TMC1: variants seen among roughly 807,000 people sequenced by gnomAD.
TMC1 encodes transmembrane channel like 1.
In TMC1, 84 loss-of-function variants were observed where a neutral mutation model predicts 105.8. The observed-to-expected ratio is 0.79, with a 90% CI of 0.67 to 0.95. The LOEUF is 0.95. Ranked by LOEUF, TMC1 falls within the 40% of genes least tolerant of loss-of-function variation. The pLI, the probability that TMC1 is intolerant of heterozygous loss-of-function variation, is 0.00. For missense variants in TMC1, 817 were observed against 914.1 expected (o/e 0.89, Z 1.37); for synonymous variants, 315 against 311.5 (o/e 1.01, Z -0.12).
chr9:72,615,867 C>T (rs1463878391), intron 2 of TMC1, among the ~76,000 whole-genome samples: 2 of 151,720 alleles, frequency 1.3e-5, no homozygotes, highest in Non-Finnish European at 2.9e-5. Context: ...AATTCTTGTG[C>T]CTTAGCCTCC....
At chr9:72,590,308 G>A (rs1239182650) in intron 2 of TMC1, among the ~76,000 whole-genome samples, 1 of 152,142 alleles carries the variant, frequency 6.6e-6, no homozygotes, top group Non-Finnish European at 1.5e-5. Flanking sequence ...CAATTTCAAT[G>A]GAAAGGAAAT....
At chr9:72,738,941 G>C (rs1827343901) in intron 8 of TMC1, among the ~76,000 whole-genome samples, 1 of 152,020 alleles carries the variant, frequency 6.6e-6, no homozygotes, top group Non-Finnish European at 1.5e-5. Flanking sequence ...GAGAGCTGAA[G>C]ACAAGCCTGG....
At chr9:72,682,498 A>G (rs1826304729) in intron 5 of TMC1, among the ~76,000 whole-genome samples, 1 of 152,218 alleles carries the variant, frequency 6.6e-6, no homozygotes, top group Admixed American at 6.5e-5. Context: ...CTATCATTTG[A>G]AGGACTTGGG....
rs375785074 is a variant in TMC1, at chr9:72,791,878, C to G, written c.1225-8C>G. On this transcript the variant is annotated splice_region_variant and splice_polypyrimidine_tract_variant and intron_variant, in intron 15 of 23. Coordinates refer to ENST00000297784, the MANE Select transcript of TMC1 (RefSeq NM_138691.3). ...TTAACCTAGTTTCTCCCTTGTGCCTCCTTGTAGATGAACATGGTTATGTCC... is the reference window on the plus strand; with the variant it reads ...TTAACCTAGTTTCTCCCTTGTGCCTGCTTGTAGATGAACATGGTTATGTCC... 1 of 1,611,264 alleles carries G rather than the reference C, an allele frequency of 6.2e-7. No homozygotes were observed. Among genetic ancestry groups the G allele is most frequent in the African/African-American group, 1.3e-5 (1 of 74,880 alleles).
intron 2 of TMC1, among the ~76,000 whole-genome samples, chr9:72,590,635 T>C (rs1824623550): frequency 6.6e-6 from 1 of 152,224 alleles, no homozygotes; most frequent in Non-Finnish European, 1.5e-5. Flanking sequence ...GGGTGCCTCC[T>C]GTGTGTCAAA....
intron 8 of TMC1, among the ~76,000 whole-genome samples, chr9:72,704,757 A>T (rs1826706083): frequency 6.6e-6 from 1 of 152,206 alleles, no homozygotes; most frequent in African/African-American, 2.4e-5. Flanking sequence ...ACTGAATGAT[A>T]ATCTCTTGGT....
At chr9:72,649,762 TTA>T (rs1331818509) in intron 5 of TMC1, among the ~76,000 whole-genome samples, 2 of 152,180 alleles carry the variant, frequency 1.3e-5, no homozygotes, top group Non-Finnish European at 2.9e-5. Context: ...GATTCAAATC[TTA>T]TGGAAGATGG....
chr9:72,697,084 C>G (rs1826562676), intron 7 of TMC1, among the ~76,000 whole-genome samples: 1 of 152,104 alleles, frequency 6.6e-6, no homozygotes, highest in Non-Finnish European at 1.5e-5. Context: ...ACAACAGAGA[C>G]TTAAAAGATA....
At position 72,673,238 on chromosome 9, in the gene TMC1, C is replaced by T. The variant is rs573951900; in HGVS notation, c.17-15471C>T. ...GAGGAAAATTTATAATAGTATAGAC[C>T]TATATTAGAAAAGAAGATCTCAAGC... On this transcript the variant is annotated intron_variant, in intron 5 of 23. Coordinates refer to ENST00000297784, the MANE Select transcript of TMC1 (RefSeq NM_138691.3). Among the ~76,000 whole-genome samples, 4 of 152,028 alleles carry T rather than the reference C, an allele frequency of 2.6e-5. No homozygotes were observed. In the East Asian group the frequency reaches 7.7e-4, roughly 29 times the overall value.
chr9:72,640,321 A>G (rs1588005748), intron 4 of TMC1, among the ~76,000 whole-genome samples: 1 of 152,206 alleles, frequency 6.6e-6, no homozygotes, highest in Admixed American at 6.5e-5. Flanking sequence ...GATAAATTTT[A>G]TGGTCGCCAA....
chr9:72,715,348 A>T (rs890367367), intron 8 of TMC1, among the ~76,000 whole-genome samples: 6 of 152,118 alleles, frequency 3.9e-5, no homozygotes, highest in Non-Finnish European at 7.4e-5. Flanking sequence ...TAATATCCTG[A>T]AGAATGTTTT....
chr9:72,738,967 A>G (rs2118010620), intron 8 of TMC1, among the ~76,000 whole-genome samples: 1 of 151,694 alleles, frequency 6.6e-6, no homozygotes, highest in East Asian at 2.0e-4. Flanking sequence ...CTCTATTTGT[A>G]ATTTTCTTTT....
intron 1 of TMC1, among the ~76,000 whole-genome samples, chr9:72,547,235 C>T (rs1187628841): frequency 1.4e-5 from 2 of 145,570 alleles, no homozygotes; most frequent in African/African-American, 2.6e-5. Flanking sequence ...TGCAGTGAGC[C>T]GAGATTGTGT....
intron 19 of TMC1, among the ~76,000 whole-genome samples, chr9:72,816,465 T>C (rs953325267): frequency 7.2e-5 from 11 of 152,212 alleles, no homozygotes; most frequent in Non-Finnish European, 1.5e-4. Context: ...GCAGATTTAT[T>C]TGAGGACTAT....
At chr9:72,761,723 A>G (rs1434477616) in intron 12 of TMC1, among the ~76,000 whole-genome samples, 4 of 152,222 alleles carry the variant, frequency 2.6e-5, no homozygotes, top group African/African-American at 9.6e-5. Context: ...GTTAATAAAA[A>G]GGAGATAAGT....
chr9:72,742,433 T>A lies in TMC1; in HGVS notation c.454-11T>A, dbSNP rs745876096. 1 of 1,612,820 alleles carries A rather than the reference T, an allele frequency of 6.2e-7. No individual in the cohort carries two copies. Among genetic ancestry groups the A allele is most frequent in the South Asian group, 1.1e-5 (1 of 90,938 alleles). Reference sequence around the variant, plus strand: ...GTTGGACTTTACTTTTGTATTTGACTTTCTTTTCAGAAATGGGCAAAATTC... The same window carrying A: ...GTTGGACTTTACTTTTGTATTTGACATTCTTTTCAGAAATGGGCAAAATTC... On this transcript the variant is annotated splice_polypyrimidine_tract_variant and intron_variant, in intron 9 of 23. Transcript: ENST00000297784.
chr9:72,775,308 A>G (rs1341716168), intron 13 of TMC1, among the ~76,000 whole-genome samples: 1 of 150,530 alleles, frequency 6.6e-6, no homozygotes, highest in Non-Finnish European at 1.5e-5. Context: ...ACCACATCAT[A>G]TGCTTAGAAA....
intron 2 of TMC1, among the ~76,000 whole-genome samples, chr9:72,596,155 G>A (rs879516382): frequency 6.6e-5 from 10 of 152,158 alleles, no homozygotes; most frequent in African/African-American, 9.7e-5. Flanking sequence ...GATTACAGGC[G>A]TGAGCCACCG....
At chr9:72,795,412 T>C (rs897964608) in intron 17 of TMC1, among the ~76,000 whole-genome samples, 1 of 152,080 alleles carries the variant, frequency 6.6e-6, no homozygotes, top group Non-Finnish European at 1.5e-5. Flanking sequence ...GCAGGTCACC[T>C]ACAGAGAGAA....
Sources: allele counts gnomAD v4.1 joint callset (sites outside exome capture counted in the v4.1 genomes callset), GRCh38; gene constraint gnomAD v4.1.1; transcripts MANE v1.5; gene names NCBI Gene and HGNC (gene_info 2026-07-23, HGNC 2026-07-21).